KLHL14: variants seen among roughly 807,000 people sequenced by gnomAD.
KLHL14 encodes kelch like family member 14.
In KLHL14, 22 loss-of-function variants were observed where a neutral mutation model predicts 64.3. The ratio of observed to expected loss-of-function variants is 0.34; its 90% CI spans 0.24 to 0.49. The LOEUF (loss-of-function observed/expected upper bound fraction) is 0.49, where lower values mean the gene tolerates loss of function less well. Among genes scored for constraint, KLHL14 ranks in the 20% least tolerant of loss-of-function variants. The pLI is 0.99. For missense variants in KLHL14, 661 were observed against 789.0 expected, an observed-to-expected ratio of 0.84 and a Z score of 1.94; for synonymous variants, 322 against 333.4, an observed-to-expected ratio of 0.97 and a Z score of 0.37.
intron 3 of KLHL14, among the ~76,000 whole-genome samples, chr18:32,711,802 C>T (rs1389492693): frequency 3.9e-5 from 6 of 152,182 alleles, no homozygotes; most frequent in Non-Finnish European, 8.8e-5. Flanking sequence ...TCCTGGCATA[C>T]ACACTCAACT....
intron 3 of KLHL14, among the ~76,000 whole-genome samples, chr18:32,735,520 C>T (rs2050161491): frequency 6.6e-6 from 1 of 152,110 alleles, no homozygotes; most frequent in South Asian, 2.1e-4. Flanking sequence ...GCATCTTTGC[C>T]TTTACTGTTA....
At chr18:32,758,522 T>C (rs1488754210) in intron 2 of KLHL14, among the ~76,000 whole-genome samples, 4 of 152,162 alleles carry the variant, frequency 2.6e-5, no homozygotes, top group African/African-American at 9.7e-5. Context: ...TGGCAGTTCC[T>C]CAAAAGGTTA....
At chr18:32,694,410 GA>G (rs2049927265) in intron 4 of KLHL14, among the ~76,000 whole-genome samples, 1 of 152,188 alleles carries the variant, frequency 6.6e-6, no homozygotes, top group African/African-American at 2.4e-5. Flanking sequence ...AGTTAGGGGA[GA>G]GATATGAAAT....
intron 3 of KLHL14, among the ~76,000 whole-genome samples, chr18:32,735,368 T>G (rs1294504239): frequency 6.6e-6 from 1 of 152,174 alleles, no homozygotes; most frequent in Non-Finnish European, 1.5e-5. Context: ...TTTGCATAAC[T>G]TAAAGTAAAA....
intron 2 of KLHL14, among the ~76,000 whole-genome samples, chr18:32,750,104 T>A (rs575956855): frequency 1.3e-5 from 2 of 151,764 alleles, no homozygotes; most frequent in East Asian, 3.9e-4. Flanking sequence ...GCTAATTCCA[T>A]CATGAGGGTT....
At chr18:32,730,942 A>G (rs1324891037) in intron 3 of KLHL14, among the ~76,000 whole-genome samples, 2 of 152,180 alleles carry the variant, frequency 1.3e-5, no homozygotes, top group Admixed American at 1.3e-4. Context: ...ACAACCAGAC[A>G]CAGAGGTATG....
intron 2 of KLHL14, among the ~76,000 whole-genome samples, chr18:32,757,970 G>A (rs1254286514): frequency 2.6e-5 from 4 of 152,178 alleles, no homozygotes; most frequent in Non-Finnish European, 2.9e-5. Flanking sequence ...GGCCTCAGCT[G>A]TGATCTAGGT....
intron 3 of KLHL14, 61 bp from the exon 4 acceptor site, chr18:32,695,613 G>T: frequency 1.0e-6 from 1 of 1,002,578 alleles, no homozygotes; most frequent in Non-Finnish European, 1.5e-6. Flanking sequence ...TTGCTACCTT[G>T]GCTCACTGGC....
chr18:32,747,742 T>C (rs1413383769), intron 2 of KLHL14, among the ~76,000 whole-genome samples: 1 of 152,220 alleles, frequency 6.6e-6, no homozygotes, highest in Admixed American at 6.5e-5. Context: ...ACAGTAGTGT[T>C]TTAGCAGTCA....
intron 8 of KLHL14, among the ~76,000 whole-genome samples, chr18:32,675,080 C>T (rs1226688666): frequency 6.6e-6 from 1 of 152,054 alleles, no homozygotes; most frequent in Non-Finnish European, 1.5e-5. Flanking sequence ...ATTGGCTGGG[C>T]CCAGTGGCTC....
At chr18:32,714,306 G>A (rs948636648) in intron 3 of KLHL14, among the ~76,000 whole-genome samples, 2 of 152,072 alleles carry the variant, frequency 1.3e-5, no homozygotes, top group South Asian at 2.1e-4. Flanking sequence ...ATAGGCTGGC[G>A]ACCACAGCTT....
At chr18:32,755,639 T>C (rs1316537297) in intron 2 of KLHL14, among the ~76,000 whole-genome samples, 2 of 152,220 alleles carry the variant, frequency 1.3e-5, no homozygotes, top group Non-Finnish European at 2.9e-5. Context: ...CAATTATTTG[T>C]TTAGTTCCAT....
At chr18:32,684,846 T>A (rs2049868365) in intron 5 of KLHL14, among the ~76,000 whole-genome samples, 2 of 152,136 alleles carry the variant, frequency 1.3e-5, no homozygotes, top group South Asian at 2.1e-4. Flanking sequence ...GGTAACTGAT[T>A]GTACTTGCTA....
At position 32,759,208 on chromosome 18, in the gene KLHL14, G is replaced by A. The variant is rs1048263734; in HGVS notation, c.947+10437C>T. On this transcript the variant is annotated intron_variant, in intron 2 of 8. Coordinates refer to ENST00000359358, the MANE Select transcript of KLHL14 (RefSeq NM_020805.3). ...AAGGATGGAATAAAATTCCAGGATT[G>A]GCTTGGGATCTATATATCACTCAAA... Among the ~76,000 whole-genome samples, 3 of 152,114 alleles carry A rather than the reference G, an allele frequency of 2.0e-5. No homozygotes were observed. In the South Asian group the frequency reaches 6.2e-4, roughly 32 times the overall value.
Position 32,683,052 on chromosome 18 carries a change from A to G in KLHL14, c.1239-2453T>C, listed in dbSNP as rs905689404. On this transcript the variant is annotated intron_variant, in intron 5 of 8. Coordinates refer to ENST00000359358, the MANE Select transcript of KLHL14 (RefSeq NM_020805.3). The surrounding 1 kb of genome is among the most constrained non-coding windows in gnomAD (Gnocchi z 4.2). ...ATGAAAACCTTCTATTTAACTGAGT[A>G]TAGATTTTGAAGAATAAGAGGAAGA... Among the ~76,000 whole-genome samples, 21 of 152,222 alleles carry G rather than the reference A, an allele frequency of 1.4e-4. No individual in the cohort carries two copies. The highest frequency in any genetic ancestry group is 4.8e-4 in the African/African-American group (20 of 41,456).
intron 2 of KLHL14, among the ~76,000 whole-genome samples, chr18:32,765,592 A>G (rs1417456438): frequency 1.3e-5 from 2 of 152,180 alleles, no homozygotes; most frequent in Non-Finnish European, 2.9e-5. Flanking sequence ...AATTGATATA[A>G]AGGGAAGTAA....
chr18:32,704,657 G>A (rs558142635), intron 3 of KLHL14, among the ~76,000 whole-genome samples: 1 of 152,124 alleles, frequency 6.6e-6, no homozygotes, highest in Non-Finnish European at 1.5e-5. Flanking sequence ...AGGAGGCAGA[G>A]GTTGCTGTGA....
At chr18:32,720,242 A>T (rs1173393253) in intron 3 of KLHL14, among the ~76,000 whole-genome samples, 1 of 152,210 alleles carries the variant, frequency 6.6e-6, no homozygotes, top group African/African-American at 2.4e-5. Flanking sequence ...CATCTTGTAC[A>T]TTCTGAAGAT....
intron 2 of KLHL14, among the ~76,000 whole-genome samples, chr18:32,747,527 G>A (rs1018451289): frequency 3.0e-4 from 45 of 152,212 alleles, no homozygotes; most frequent in African/African-American, 1.0e-3. Context: ...TAGGGTTTGC[G>A]CTCATATGAG....
Sources: allele counts gnomAD v4.1 joint callset (sites outside exome capture counted in the v4.1 genomes callset), GRCh38; gene constraint gnomAD v4.1.1; non-coding constraint Gnocchi (gnomAD v3.1); transcripts MANE v1.5; gene names NCBI Gene and HGNC (gene_info 2026-07-23, HGNC 2026-07-21).